Variants in PTCH1 observed in about 807,000 individuals in gnomAD.
PTCH1 encodes the protein protein patched homolog 1.
PTCH1 carries 14 observed loss-of-function variants against 144.6 expected under a neutral mutation model. That is an observed-to-expected ratio of 0.10 (90% CI 0.06 to 0.15). PTCH1 has a LOEUF of 0.15. PTCH1 is among the 10% of genes least tolerant of loss of function. The probability of loss-of-function intolerance (pLI) is 1.00; values close to 1 mark genes in which losing one functional copy is unlikely to be tolerated. For synonymous variants in PTCH1, 833 were observed against 793.6 expected (o/e 1.05, Z -0.83); for missense variants, 1,623 against 1,948.3 (o/e 0.83, Z 3.14).
upstream of PTCH1, among the ~76,000 whole-genome samples, chr9:95,511,029 A>G (rs1367317921): frequency 6.7e-6 from 1 of 149,950 alleles, no homozygotes; most frequent in African/African-American, 2.4e-5. Context: ...ACATTCCTGA[A>G]GGCGGACCGG....
chr9:95,457,938 CAA>C, intron 18 of PTCH1, 73 bp downstream of exon 18: 1 of 1,591,512 alleles, frequency 6.3e-7, no homozygotes, highest in East Asian at 2.2e-5. Flanking sequence ...CAGACATAAA[CAA>C]AACTTCCCGG....
rs1180302996 is a variant in PTCH1, at chr9:95,480,007, C to T, written c.1029G>A (p.Val343=). 1.2e-6 allele frequency: 2 copies of T among 1,613,982 alleles called. No individual in the cohort carries two copies. Among genetic ancestry groups the T allele is most frequent in the African/African-American group, 2.7e-5 (2 of 74,884 alleles). Residue 343 remains valine (V), a synonymous_variant, in exon 7 of 24, where the codon GTG becomes GTA. Transcript: ENST00000331920. ...CAGTGCTGTTCTTGACTGTGCCACC[C>T]ACAATCAACTCCTCCTGCCAGTGCA... ...KYMHWQEELI[V]GGTVKNSTGK... is the part of the protein sequence containing the mutation.
Position 95,443,526 on chromosome 9 carries a change from G to A in PTCH1, c.*2867C>T, listed in dbSNP as rs551012732. ...TTCCAAGGTTTGAAATGAGAAGCATGCTAGGTCGCCAATGGTAACTAATAA... is the reference window on the plus strand; with the variant it reads ...TTCCAAGGTTTGAAATGAGAAGCATACTAGGTCGCCAATGGTAACTAATAA... On this transcript the variant is annotated 3_prime_UTR_variant, in exon 24 of 24. Coordinates refer to ENST00000331920, the MANE Select transcript of PTCH1 (RefSeq NM_000264.5). 6.5e-6 allele frequency: 1 copy of A among 152,738 alleles called. No individual in the cohort carries two copies. Among genetic ancestry groups the A allele is most frequent in the Non-Finnish European group, 1.5e-5 (1 of 68,022 alleles). 9.5% of individuals were successfully genotyped at this position (152,738 alleles called of 1,614,324 possible).
chr9:95,447,116 G>T lies in PTCH1; in HGVS notation c.4140C>A (p.Ala1380=), dbSNP rs752595145. 1.2e-6 allele frequency: 2 copies of T among 1,613,368 alleles called. No homozygotes were observed. The highest frequency in any genetic ancestry group is 1.7e-6 in the Non-Finnish European group (2 of 1,179,958). The change falls in exon 23 of 24, where the codon GCC becomes GCA. Residue 1380 remains alanine, a synonymous_variant. Transcript: ENST00000331920. ...TVTASASVTV[A]VHPPPVPGPG... is the part of the protein sequence containing the mutation. ...GCCCAGGGACAGGCGGCGGGTGCAC[G>T]GCGACAGTCACGGAGGCAGAAGCCG...
At chr9:95,462,721 G>A (rs1223036914) in intron 15 of PTCH1, among the ~76,000 whole-genome samples, 1 of 152,214 alleles carries the variant, frequency 6.6e-6, no homozygotes, top group Non-Finnish European at 1.5e-5. Context: ...GGAAGCCACA[G>A]GCCAATACAA....
At chr9:95,514,823 T>A (rs1056823858) in intron 1 of PTCH1, among the ~76,000 whole-genome samples, 2 of 152,208 alleles carry the variant, frequency 1.3e-5, no homozygotes, top group Admixed American at 6.5e-5. Context: ...TCAAAGATTA[T>A]GACTACTTTA....
intron 1 of PTCH1, 57 bp from the exon 2 acceptor site, chr9:95,506,656 A>ACC (rs1554708856): frequency 6.9e-7 from 1 of 1,452,890 alleles, no homozygotes; most frequent in Non-Finnish European, 9.2e-7. Context: ...CCGCGCGCCC[A>ACC]CGCCCGCTTG....
At chr9:95,516,783 C>T (rs767221700) in exon 1 of PTCH1, 28 of 1,612,364 alleles carry the variant, frequency 1.7e-5, no homozygotes, top group Non-Finnish European at 2.4e-5. Flanking sequence ...GCAGCGCGGA[C>T]TCACAATTAC....
At chr9:95,491,986 T>C (rs1289066259) in intron 2 of PTCH1, among the ~76,000 whole-genome samples, 1 of 152,172 alleles carries the variant, frequency 6.6e-6, no homozygotes, top group African/African-American at 2.4e-5. Context: ...ATCATGTCAA[T>C]TCATAAAATC....
rs773043616 is a variant in PTCH1 at position 95,447,327 on chromosome 9, C to T, written c.3929G>A (p.Gly1310Asp). 1.9e-5 allele frequency: 31 copies of T among 1,613,294 alleles called. No individual in the cohort carries two copies. Among genetic ancestry groups the T allele is most frequent in the Non-Finnish European group, 2.5e-5 (30 of 1,179,988 alleles). Residue 1310 changes from glycine to aspartate, a missense_variant, in exon 23 of 24, where the codon GGC (glycine) becomes GAC (aspartate). Physicochemically the swap from Gly to Asp is moderately conservative, Grantham distance 94. Transcript: ENST00000331920. ...CGGTCTGTAGGGGGGTGGCCACAAG[C>T]CTTCTCTGGGGGGGTCCCTGCGGGG... ...QQPRRDPPREGLWPPPYRPRR... is the reference protein window; with the variant it reads ...QQPRRDPPREDLWPPPYRPRR...
At chr9:95,506,283 C>T in intron 2 of PTCH1, 124 bp downstream of exon 2, 1 of 1,160,116 alleles carries the variant, frequency 8.6e-7, no homozygotes, top group Non-Finnish European at 1.2e-6. Context: ...TAAACAATCC[C>T]CCGGGTGCGG....
intron 18 of PTCH1, 135 bp from the exon 19 acceptor site, chr9:95,456,548 G>C (rs1838946044): frequency 8.1e-7 from 1 of 1,230,438 alleles, no homozygotes; most frequent in African/African-American, 1.5e-5. Flanking sequence ...TTTAACTCTG[G>C]ACACTGCCTT....
chr9:95,493,640 G>A (rs1168353706), intron 2 of PTCH1, among the ~76,000 whole-genome samples: 1 of 152,154 alleles, frequency 6.6e-6, no homozygotes, highest in Non-Finnish European at 1.5e-5. Flanking sequence ...TTAATCCCAT[G>A]AATTATCTAA....
intron 12 of PTCH1, among the ~76,000 whole-genome samples, chr9:95,472,746 C>T (rs1840691508): frequency 6.6e-6 from 1 of 152,314 alleles, no homozygotes; most frequent in Admixed American, 6.5e-5. Context: ...GAACCCCAAG[C>T]AGCGTCCCAT....
chr9:95,458,643 A>G lies in PTCH1; in HGVS notation c.2888-350T>C, dbSNP rs558770332. 5.3e-5 allele frequency among the ~76,000 whole-genome samples: 8 copies of G among 152,372 alleles called. No homozygotes were observed. The highest frequency in any genetic ancestry group is 1.0e-4 in the Non-Finnish European group (7 of 68,038). Reference sequence around the variant, plus strand: ...ACAGTTTTATTCAATCACTTGCAAGAGCAAAAGAACTCAAGAGTCATGCTT... The same window carrying G: ...ACAGTTTTATTCAATCACTTGCAAGGGCAAAAGAACTCAAGAGTCATGCTT... On this transcript the variant is annotated intron_variant, in intron 17 of 23. Coordinates refer to ENST00000331920, the MANE Select transcript of PTCH1 (RefSeq NM_000264.5). The surrounding 1 kb of genome is among the most constrained non-coding windows in gnomAD (Gnocchi z 4.7).
chr9:95,444,550 C>A lies in PTCH1; in HGVS notation c.*1843G>T. On this transcript the variant is annotated 3_prime_UTR_variant, in exon 24 of 24. Coordinates refer to ENST00000331920, the MANE Select transcript of PTCH1 (RefSeq NM_000264.5). ...ACACCCAGCAGCCACAAGCGGCTCC[C>A]AATCAGCATCTTAAAAGTTTTGTGG... 1.3e-5 allele frequency: 2 copies of A among 153,088 alleles called. No homozygotes were observed. Among genetic ancestry groups the A allele is most frequent in the South Asian group, 3.9e-4 (2 of 5,098 alleles). 9.5% of individuals were successfully genotyped at this position (153,088 alleles called of 1,614,324 possible). A position where few individuals can be genotyped will look rare whatever the true frequency, so the allele number is the denominator to read the frequency against.
intron 15 of PTCH1, among the ~76,000 whole-genome samples, chr9:95,463,538 C>T (rs73654563): frequency 0.013 from 1,921 of 152,290 alleles, 40 homozygotes; most frequent in African/African-American, 0.043. Flanking sequence ...ATTACTGCGC[C>T]TCCTTTCCCC....
chr9:95,459,548 C>G, intron 17 of PTCH1, 52 bp downstream of exon 17: 3 of 1,604,192 alleles, frequency 1.9e-6, no homozygotes, highest in Non-Finnish European at 2.6e-6. Context: ...TTTGGAGAAC[C>G]AGGGAAGGCA....
At chr9:95,478,740 A>G (rs2118357375) in intron 8 of PTCH1, among the ~76,000 whole-genome samples, 1 of 152,170 alleles carries the variant, frequency 6.6e-6, no homozygotes, top group Admixed American at 6.5e-5. Context: ...GTTTTTTTAA[A>G]CACTGTTATG....
Sources: allele counts gnomAD v4.1 joint callset (sites outside exome capture counted in the v4.1 genomes callset), GRCh38; gene constraint gnomAD v4.1.1; non-coding constraint Gnocchi (gnomAD v3.1); transcripts MANE v1.5; gene names NCBI Gene and HGNC (gene_info 2026-07-23, HGNC 2026-07-21).